Variants in RYR2 observed in about 807,000 individuals in gnomAD.
RYR2 encodes the protein cardiac muscle ryanodine receptor-calcium release channel.
A neutral mutation model predicts 601.1 loss-of-function variants in RYR2; 227 were observed. The observed-to-expected ratio is 0.38, with a 90% CI of 0.34 to 0.42. RYR2 has a LOEUF of 0.42. RYR2 is among the 10% of genes least tolerant of loss of function. RYR2 has a pLI of 1.00. For missense variants in RYR2, 4,646 were observed against 6,156.5 expected, an observed-to-expected ratio of 0.75 and a Z score of 8.21; for synonymous variants, 2,223 against 2,175.1, an observed-to-expected ratio of 1.02 and a Z score of -0.61.
intron 12 of RYR2, among the ~76,000 whole-genome samples, chr1:237,438,620 A>AT (rs535917063): frequency 5.6e-4 from 86 of 152,300 alleles, no homozygotes; most frequent in African/African-American, 2.0e-3. Context: ...TTTTACAAAG[A>AT]TTTTGTAGAT....
chr1:237,674,595 A>G (rs1685232801), intron 59 of RYR2, 136 bp from the exon 60 acceptor site: 1 of 456,644 alleles, frequency 2.2e-6, no homozygotes. Context: ...CAATAACATT[A>G]GAAAAACTTC....
chr1:237,060,937 T>A (rs1662756042), intron 1 of RYR2, among the ~76,000 whole-genome samples: 1 of 152,234 alleles, frequency 6.6e-6, no homozygotes, highest in South Asian at 2.1e-4. Flanking sequence ...AATTGCTGAT[T>A]GGGTTATATA....
intron 25 of RYR2, among the ~76,000 whole-genome samples, chr1:237,546,721 A>G (rs969517370): frequency 4.0e-4 from 61 of 152,056 alleles, no homozygotes; most frequent in Non-Finnish European, 1.3e-4. Flanking sequence ...GTATTATAGT[A>G]AAATAGAAGT....
chr1:237,354,032 G>A (rs1181087562), intron 3 of RYR2, among the ~76,000 whole-genome samples: 1 of 152,152 alleles, frequency 6.6e-6, no homozygotes, highest in Non-Finnish European at 1.5e-5. Context: ...AAATCGTTCT[G>A]CATTGCTTAT....
Position 237,623,952 on chromosome 1 carries a change from G to A in RYR2, c.6022+82G>A, listed in dbSNP as rs567888031. 260 of 891,600 alleles carry A rather than the reference G, an allele frequency of 2.9e-4. 4 individuals are homozygous for A. In the South Asian group the frequency reaches 3.5e-3, roughly 12 times the overall value. 55.2% of individuals were successfully genotyped at this position (891,600 alleles called of 1,614,324 possible). ...CTGAGACGAAATTAAGTGTATATGC[G>A]AATATTTTCACGAATACACACGATA... On this transcript the variant is annotated intron_variant, in intron 39 of 104. Coordinates refer to ENST00000366574, the MANE Select transcript of RYR2 (RefSeq NM_001035.3).
intron 96 of RYR2, 32 bp from the exon 97 acceptor site, chr1:237,798,005 A>G (rs1161673183): frequency 1.3e-6 from 2 of 1,585,992 alleles, no homozygotes; most frequent in East Asian, 2.3e-5. Flanking sequence ...TAATGGTTGA[A>G]GCCAACAAAA....
chr1:237,676,495 T>G (rs2148919062), intron 60 of RYR2, among the ~76,000 whole-genome samples: 1 of 152,210 alleles, frequency 6.6e-6, no homozygotes, highest in Admixed American at 6.5e-5. Flanking sequence ...CCAAATAACC[T>G]TTTTCACAAC....
intron 12 of RYR2, among the ~76,000 whole-genome samples, chr1:237,432,726 A>G (rs902808829): frequency 1.3e-5 from 2 of 152,116 alleles, no homozygotes; most frequent in Admixed American, 6.6e-5. Context: ...TCAAATTCCT[A>G]TTTCGTTGGT....
chr1:237,645,786 G>A (rs193300808), intron 48 of RYR2, among the ~76,000 whole-genome samples: 2 of 151,698 alleles, frequency 1.3e-5, no homozygotes, highest in Admixed American at 6.6e-5. Flanking sequence ...AGTGGTTTGT[G>A]TGTGTGTTTG....
At chr1:237,631,136 A>G (rs1680202060) in intron 41 of RYR2, among the ~76,000 whole-genome samples, 1 of 152,210 alleles carries the variant, frequency 6.6e-6, no homozygotes, top group Non-Finnish European at 1.5e-5. Flanking sequence ...ATGGTTGGAT[A>G]TCCATAAAAT....
Position 237,717,215 on chromosome 1 carries a change from G to A in RYR2, c.10341G>A (p.Gln3447=), listed in dbSNP as rs894778302. Residue 3447 remains glutamine, a synonymous_variant, in exon 72 of 105, where the codon CAG becomes CAA. Transcript: ENST00000366574. Reference sequence around the variant, plus strand: ...TTCCATAGGCAGCTGTTTCTGATCAGGAAAGGAAGAAAATGAAGCGCAAAG... The same window carrying A: ...TTCCATAGGCAGCTGTTTCTGATCAAGAAAGGAAGAAAATGAAGCGCAAAG... ...SKMSKAAVSD[Q]ERKKMKRKGD... 6.2e-7 allele frequency: 1 copy of A among 1,613,412 alleles called. No individual in the cohort carries two copies. The highest frequency in any genetic ancestry group is 1.3e-5 in the African/African-American group (1 of 74,916).
intron 27 of RYR2, among the ~76,000 whole-genome samples, chr1:237,556,493 T>C (rs1670899965): frequency 6.8e-6 from 1 of 147,886 alleles, no homozygotes; most frequent in Non-Finnish European, 1.5e-5. Context: ...GTATTTTTAG[T>C]AGAGGCGGGG....
intron 16 of RYR2, among the ~76,000 whole-genome samples, chr1:237,461,880 G>T: frequency 6.6e-6 from 1 of 151,732 alleles, no homozygotes; most frequent in African/African-American, 2.4e-5. Flanking sequence ...TTTTCTTTTT[G>T]TGTTATAGTG....
intron 63 of RYR2, among the ~76,000 whole-genome samples, chr1:237,691,258 T>C (rs1411833928): frequency 2.6e-5 from 4 of 152,160 alleles, no homozygotes; most frequent in Admixed American, 2.6e-4. Flanking sequence ...ACTTGAGTTT[T>C]GTGATGATCA....
At chr1:237,331,810 A>T (rs147090817) in intron 3 of RYR2, among the ~76,000 whole-genome samples, 4 of 151,830 alleles carry the variant, frequency 2.6e-5, no homozygotes, top group African/African-American at 9.7e-5. Context: ...CACCGCGCCC[A>T]GCCCTGAAAT....
chr1:237,166,677 G>T (rs1228909582), intron 1 of RYR2, among the ~76,000 whole-genome samples: 2 of 152,162 alleles, frequency 1.3e-5, no homozygotes, highest in African/African-American at 4.8e-5. Context: ...ACAGTTCTCT[G>T]GAATGCCTGA....
intron 42 of RYR2, among the ~76,000 whole-genome samples, chr1:237,632,531 A>G (rs906940773): frequency 4.0e-5 from 6 of 151,438 alleles, no homozygotes; most frequent in Non-Finnish European, 8.8e-5. Flanking sequence ...AGTGGCTGGG[A>G]CTACAGGCGC....
chr1:237,825,810 C>T (rs1034769811), intron 101 of RYR2, among the ~76,000 whole-genome samples: 1 of 152,108 alleles, frequency 6.6e-6, no homozygotes, highest in Non-Finnish European at 1.5e-5. Context: ...AGAACTTAAA[C>T]AACTTCATAA....
chr1:237,617,069 T>C (rs1197851813), intron 37 of RYR2, among the ~76,000 whole-genome samples: 1 of 152,186 alleles, frequency 6.6e-6, no homozygotes, highest in Admixed American at 6.5e-5. Flanking sequence ...ACCATATCAG[T>C]TAACATCCAC....
Sources: allele counts gnomAD v4.1 joint callset (sites outside exome capture counted in the v4.1 genomes callset), GRCh38; gene constraint gnomAD v4.1.1; transcripts MANE v1.5; gene names NCBI Gene and HGNC (gene_info 2026-07-23, HGNC 2026-07-21).